Variants in GRIK4 observed in about 807,000 individuals in gnomAD.
GRIK4 encodes glutamate receptor ionotropic, kainate 4.
GRIK4 carries 40 observed loss-of-function variants against 104.9 expected under a neutral mutation model. The observed-to-expected ratio is 0.38, with a 90% CI of 0.30 to 0.50. The LOEUF (loss-of-function observed/expected upper bound fraction) is 0.50, where lower values mean the gene tolerates loss of function less well. GRIK4 is among the 20% of genes least tolerant of loss of function. The probability of loss-of-function intolerance (pLI) is 0.93; values close to 1 mark genes in which losing one functional copy is unlikely to be tolerated. For missense variants in GRIK4, 1,047 were observed against 1,308.1 expected, an observed-to-expected ratio of 0.80 and a Z score of 3.08; for synonymous variants, 485 against 524.9, an observed-to-expected ratio of 0.92 and a Z score of 1.04.
chr11:120,830,468 T>C (rs1953393951), intron 6 of GRIK4, among the ~76,000 whole-genome samples: 1 of 152,190 alleles, frequency 6.6e-6, no homozygotes, highest in African/African-American at 2.4e-5. Context: ...CCCTCCTTTT[T>C]GGCCTGGGTG....
chr11:120,557,294 C>A (rs956467752), intron 1 of GRIK4, among the ~76,000 whole-genome samples: 3 of 152,236 alleles, frequency 2.0e-5, no homozygotes, highest in Non-Finnish European at 4.4e-5. Context: ...AGTCTTTCTG[C>A]TGCACGCTCT....
Position 120,956,904 on chromosome 11 carries a change from T to C in GRIK4, c.1825T>C (p.Ser609Pro). 1.2e-6 allele frequency: 2 copies of C among 1,613,774 alleles called. No homozygotes were observed. Among genetic ancestry groups the C allele is most frequent in the Non-Finnish European group, 1.7e-6 (2 of 1,179,888 alleles). Residue 609 changes from serine to proline, a missense_variant, in exon 16 of 21, where the codon TCC (serine) becomes CCC (proline). This residue lies in a region of GRIK4 where 440 missense variants were observed against 652.3 expected (regional missense o/e 0.67). Transcript: ENST00000527524. The surrounding 1 kb of genome is among the most constrained non-coding windows in gnomAD (Gnocchi z 4.6). ...GGTCGGGGGGTTCATGCAGCAAGGC[T>C]CCACCATCGCCCCTCGCGCCTTATC... ...FPVGGFMQQGSTIAPRALSTR... is the reference protein window; with the variant it reads ...FPVGGFMQQGPTIAPRALSTR...
chr11:120,640,207 A>G (rs746447705), intron 1 of GRIK4, among the ~76,000 whole-genome samples: 24 of 152,228 alleles, frequency 1.6e-4, no homozygotes, highest in South Asian at 6.2e-4. Flanking sequence ...CTGTCAGTAT[A>G]TTAGTAATCC....
intron 3 of GRIK4, among the ~76,000 whole-genome samples, chr11:120,787,664 T>C (rs572338749): frequency 1.3e-5 from 2 of 151,372 alleles, no homozygotes; most frequent in East Asian, 2.0e-4. Flanking sequence ...GGTTTCACTA[T>C]GTTGGCCAGG....
In GRIK4 at chr11:120,985,897, C is replaced by T. The variant is rs778053317; in HGVS notation, c.2515-7C>T. On this transcript the variant is annotated splice_polypyrimidine_tract_variant and splice_region_variant and intron_variant, in intron 20 of 20. Coordinates refer to ENST00000527524, the MANE Select transcript of GRIK4 (RefSeq NM_014619.5). Reference sequence around the variant, plus strand: ...AGGCTGGGCCCTGACCTCGCTGTCTCCTCCAGGTGTCCGTCTGCCAGGAGA... The same window carrying T: ...AGGCTGGGCCCTGACCTCGCTGTCTTCTCCAGGTGTCCGTCTGCCAGGAGA... 7 of 1,551,580 alleles carry T rather than the reference C, an allele frequency of 4.5e-6. No homozygotes were observed. The highest frequency in any genetic ancestry group is 6.1e-6 in the Non-Finnish European group (7 of 1,147,568).
rs1267839207 is a variant in GRIK4, at chr11:120,513,722, C to T, written c.-159+1835C>T. ...TCACCAGCTCCACCCCTCTGTCCTC[C>T]TCTGGACCTGCCACCTGAAACCCAG... On this transcript the variant is annotated intron_variant, in intron 1 of 20. Transcript: ENST00000527524. This position sits in a 1 kb window ranked among gnomAD's most constrained non-coding sequence, Gnocchi z 4.5. 6.6e-6 allele frequency among the ~76,000 whole-genome samples: 1 copy of T among 152,218 alleles called. No homozygotes were observed. Among genetic ancestry groups the T allele is most frequent in the Non-Finnish European group, 1.5e-5 (1 of 68,036 alleles).
rs747558889 is a variant in GRIK4, at chr11:120,832,005, C to G, written c.665C>G (p.Ser222Cys). The change falls in exon 7 of 21, where the codon TCC becomes TGC. Residue 222 changes from serine (S) to cysteine (C), a missense_variant. Transcript: ENST00000527524. ...ACCATCATCATCCACGCCAACGCCT[C>G]CATGTCCCACACCATCCTCCTGAAG... ...TATIIIHANA[S>C]MSHTILLKAA... The G allele has an allele frequency of 1.2e-6, 2 of 1,613,388 alleles. No homozygotes were observed. The highest frequency in any genetic ancestry group is 4.5e-5 in the East Asian group (2 of 44,852).
chr11:120,744,426 A>G (rs767574141), intron 3 of GRIK4, among the ~76,000 whole-genome samples: 7 of 152,172 alleles, frequency 4.6e-5, no homozygotes, highest in Non-Finnish European at 8.8e-5. Flanking sequence ...TTTAATTCGT[A>G]CTAAATAGGC....
At chr11:120,561,044 T>A (rs948284949) in intron 1 of GRIK4, among the ~76,000 whole-genome samples, 5 of 152,192 alleles carry the variant, frequency 3.3e-5, no homozygotes, top group Non-Finnish European at 7.3e-5. Context: ...AGTAGACATT[T>A]GGAAAATTAA....
At chr11:120,889,759 T>C (rs1298571523) in intron 11 of GRIK4, among the ~76,000 whole-genome samples, 1 of 151,962 alleles carries the variant, frequency 6.6e-6, no homozygotes, top group Non-Finnish European at 1.5e-5. Flanking sequence ...CATGTGCCAC[T>C]ACTCCTGATT....
rs1303632348 is a variant in GRIK4 at position 120,898,563 on chromosome 11, G to C, written c.1196G>C (p.Ser399Thr). ...CAGTGGCACGTGGCAGAGGGCCTCA[G>C]CATGGACAGCCACCTCTATGCCTCC... The part of the protein sequence containing the change: ...IGQWHVAEGL[S>T]MDSHLYASNI... The change falls in exon 12 of 21, where the codon AGC (serine) becomes ACC (threonine). Residue 399 changes from serine to threonine, a missense_variant. Transcript: ENST00000527524. The C allele has an allele frequency of 6.2e-7, 1 of 1,611,642 alleles. No homozygotes were observed. Among genetic ancestry groups the C allele is most frequent in the East Asian group, 2.2e-5 (1 of 44,880 alleles).
chr11:120,911,459 G>A (rs1468237312), intron 13 of GRIK4, among the ~76,000 whole-genome samples: 1 of 148,412 alleles, frequency 6.7e-6, no homozygotes, highest in Non-Finnish European at 1.5e-5. Context: ...GGATGGTCTC[G>A]ATCTCCTGAC....
intron 1 of GRIK4, among the ~76,000 whole-genome samples, chr11:120,610,687 T>C (rs1295185599): frequency 6.6e-6 from 1 of 152,124 alleles, no homozygotes; most frequent in African/African-American, 2.4e-5. Context: ...GAGCTCACTC[T>C]AAGTTTTCAA....
intron 1 of GRIK4, among the ~76,000 whole-genome samples, chr11:120,531,718 G>A (rs1947925854): frequency 1.3e-5 from 2 of 152,098 alleles, no homozygotes. Context: ...TGGTACTACA[G>A]GTGCATGTCA....
intron 6 of GRIK4, among the ~76,000 whole-genome samples, chr11:120,829,173 C>T (rs1464099554): frequency 2.0e-5 from 3 of 152,126 alleles, no homozygotes; most frequent in African/African-American, 7.2e-5. Context: ...TGTGGGGCAC[C>T]CTCACCCACA....
At chr11:120,749,194 A>G (rs949222313) in intron 3 of GRIK4, among the ~76,000 whole-genome samples, 4 of 150,958 alleles carry the variant, frequency 2.6e-5, no homozygotes, top group Middle Eastern at 3.4e-3. Context: ...CATTCCCCCC[A>G]CCCCATCCCA....
chr11:120,938,692 CTT>C (rs1943650959), intron 13 of GRIK4, among the ~76,000 whole-genome samples: 3 of 152,200 alleles, frequency 2.0e-5, no homozygotes, highest in Admixed American at 2.0e-4. Flanking sequence ...CCACACTTCA[CTT>C]TTCTTATTTC....
At chr11:120,951,596 G>A (rs1436414747) in intron 14 of GRIK4, among the ~76,000 whole-genome samples, 1 of 152,144 alleles carries the variant, frequency 6.6e-6, no homozygotes, top group Non-Finnish European at 1.5e-5. Context: ...GGACTTCCTG[G>A]ATTTCTGGCA....
In GRIK4 at chr11:120,513,361, A is replaced by T. The variant is rs1159363627; in HGVS notation, c.-159+1474A>T. ...GGTTGGTAGTGGGCATCTGAGAGAC[A>T]AATCCGGTCCTGCCTGACTCCCTGA... On this transcript the variant is annotated intron_variant, in intron 1 of 20. Coordinates refer to ENST00000527524, the MANE Select transcript of GRIK4 (RefSeq NM_014619.5). The surrounding 1 kb of genome is among the most constrained non-coding windows in gnomAD (Gnocchi z 4.5). Among the ~76,000 whole-genome samples, 14 of 152,038 alleles carry T rather than the reference A, an allele frequency of 9.2e-5. No homozygotes were observed.
Sources: allele counts gnomAD v4.1 joint callset (sites outside exome capture counted in the v4.1 genomes callset), GRCh38; gene constraint gnomAD v4.1.1; regional missense constraint gnomAD v4.1.1; non-coding constraint Gnocchi (gnomAD v3.1); transcripts MANE v1.5; gene names NCBI Gene and HGNC (gene_info 2026-07-23, HGNC 2026-07-21).